Variants in DLEC1 observed in about 807,000 individuals in gnomAD.
The protein encoded by DLEC1 is deleted in lung and esophageal cancer protein 1.
In DLEC1, 146 loss-of-function variants were observed where a neutral mutation model predicts 198.1. The ratio of observed to expected loss-of-function variants is 0.74; its 90% CI spans 0.64 to 0.85. DLEC1 has a LOEUF of 0.85. Among genes scored for constraint, DLEC1 ranks in the 40% least tolerant of loss-of-function variants. The probability of loss-of-function intolerance (pLI) is 0.00; values close to 1 mark genes in which losing one functional copy is unlikely to be tolerated. For missense variants in DLEC1, 2,233 were observed against 2,220.0 expected, an observed-to-expected ratio of 1.01 and a Z score of -0.12; for synonymous variants, 897 against 866.8, an observed-to-expected ratio of 1.03 and a Z score of -0.61.
intron 31 of DLEC1, 31 bp from the exon 32 acceptor site, chr3:38,117,496 G>A: frequency 6.2e-7 from 1 of 1,614,058 alleles, no homozygotes; most frequent in East Asian, 2.2e-5. Context: ...CAGGCGCCCG[G>A]CTTGCCCCAA....
rs541063708 is a variant in DLEC1 at position 38,054,955 on chromosome 3, A to G, written c.563-4787A>G. On this transcript the variant is annotated intron_variant, in intron 2 of 36. Transcript: ENST00000308059. The stretch of plus-strand genomic sequence containing the variant: ...GATATTTACAGACTAAAGGAAGGAA[A>G]CAGCCTGAACCAGGAGCCACAAGAC... Among the ~76,000 whole-genome samples the G allele has an allele frequency of 8.5e-5, 13 of 152,336 alleles. No individual in the cohort carries two copies. In the East Asian group the frequency reaches 2.3e-3, roughly 27 times the overall value.
chr3:38,079,805 C>T (rs1369021849), intron 6 of DLEC1, among the ~76,000 whole-genome samples: 2 of 152,262 alleles, frequency 1.3e-5, no homozygotes, highest in South Asian at 2.1e-4. Flanking sequence ...TTTGGAAGTT[C>T]TCGTGTGCTG....
intron 6 of DLEC1, among the ~76,000 whole-genome samples, chr3:38,065,221 G>A (rs776325563): frequency 3.9e-5 from 6 of 152,234 alleles, no homozygotes; most frequent in Non-Finnish European, 8.8e-5. Context: ...GCCTGCAATC[G>A]CAGGCACTCG....
rs768241128 is a variant in DLEC1 at position 38,045,626 on chromosome 3, G to A, written c.495G>A (p.Ala165=). 28 of 1,614,116 alleles carry A rather than the reference G, an allele frequency of 1.7e-5. No homozygotes were observed. The highest frequency in any genetic ancestry group is 1.6e-4 in the Middle Eastern group (1 of 6,062). Residue 165 remains alanine, a synonymous_variant, in exon 2 of 37, where the codon GCG becomes GCA. Coordinates refer to ENST00000308059, the MANE Select transcript of DLEC1 (RefSeq NM_007335.4). ...CTCAGGCCCAAGCACGGGCTATTGC[G>A]GAAAATGAGCGGGTCATGAGCCAGG... ...HITQAQARAI[A]ENERVMSQAG...
At chr3:38,084,894 G>T (rs1051447371) in intron 7 of DLEC1, among the ~76,000 whole-genome samples, 15 of 152,040 alleles carry the variant, frequency 9.9e-5, no homozygotes, top group Non-Finnish European at 1.3e-4. Flanking sequence ...CTCAGCAGCA[G>T]CCCCCCAGCC....
intron 6 of DLEC1, among the ~76,000 whole-genome samples, chr3:38,073,309 G>C (rs1697426315): frequency 1.3e-5 from 2 of 152,186 alleles, no homozygotes; most frequent in Admixed American, 6.5e-5. Flanking sequence ...CAGGTAAAGT[G>C]GGGGAATTGT....
rs774067953 is a variant in DLEC1, at chr3:38,107,645, G to A, written c.2926G>A (p.Glu976Lys). Residue 976 changes from glutamate (E) to lysine (K), a missense_variant, in exon 20 of 37, where the codon GAG (glutamate) becomes AAG (lysine). Transcript: ENST00000308059. ...TGTGTACCTACAGAGCAGCCAGGTG[G>A]AGGTTAGAAATCTCTACCTGGGTGT... ...PHVYLQSSQVEVRNLYLGVPT... is the reference protein window; with the variant it reads ...PHVYLQSSQVKVRNLYLGVPT... The A allele has an allele frequency of 8.7e-6, 14 of 1,613,988 alleles. No individual in the cohort carries two copies. The highest frequency in any genetic ancestry group is 1.0e-5 in the Non-Finnish European group (12 of 1,180,004).
At chr3:38,050,212 G>A (rs746985293) in intron 2 of DLEC1, among the ~76,000 whole-genome samples, 18 of 151,892 alleles carry the variant, frequency 1.2e-4, no homozygotes, top group Admixed American at 2.6e-4. Context: ...GGGACCACAG[G>A]CACATACCAC....
rs777313385 is a variant in DLEC1, at chr3:38,097,871, G to C, written c.2693G>C (p.Ser898Thr). The change falls in exon 18 of 37, where the codon AGC (serine) becomes ACC (threonine). Residue 898 changes from serine (S) to threonine (T), a missense_variant. Coordinates refer to ENST00000308059, the MANE Select transcript of DLEC1 (RefSeq NM_007335.4). ...QLPATWRMKE[S>T]PVSLQERPED... ...CCAGCCACATGGCGCATGAAGGAGA[G>C]CCCAGTCTCCCTCCAGGAAAGGCCT... The C allele has an allele frequency of 6.8e-6, 11 of 1,614,158 alleles. No individual in the cohort carries two copies. The highest frequency in any genetic ancestry group is 1.7e-5 in the Admixed American group (1 of 60,030).
At chr3:38,058,427 G>T (rs1262057411) in intron 2 of DLEC1, among the ~76,000 whole-genome samples, 3 of 152,150 alleles carry the variant, frequency 2.0e-5, no homozygotes, top group African/African-American at 4.8e-5. Context: ...CAGCACCGAT[G>T]CAGGCGGCTA....
chr3:38,040,018 G>A (rs2125563779), intron 1 of DLEC1, among the ~76,000 whole-genome samples: 1 of 152,246 alleles, frequency 6.6e-6, no homozygotes, highest in Middle Eastern at 3.4e-3. Context: ...AATCTTGACT[G>A]GGCCATTCAT....
chr3:38,097,101 A>C, intron 15 of DLEC1, 81 bp from the exon 16 acceptor site: 1 of 1,335,204 alleles, frequency 7.5e-7, no homozygotes, highest in South Asian at 1.4e-5. Context: ...TTACGAGCCC[A>C]CAATCCTACA....
chr3:38,045,224 G>C (rs1196402518), intron 1 of DLEC1, among the ~76,000 whole-genome samples: 2 of 152,196 alleles, frequency 1.3e-5, no homozygotes, highest in Non-Finnish European at 2.9e-5. Flanking sequence ...CTTGAACGTG[G>C]ATCTGGGTGG....
Position 38,045,633 on chromosome 3 carries a change from G to C in DLEC1, c.502G>C (p.Glu168Gln). The C allele has an allele frequency of 6.2e-7, 1 of 1,614,134 alleles. No individual in the cohort carries two copies. Among genetic ancestry groups the C allele is most frequent in the Non-Finnish European group, 8.5e-7 (1 of 1,180,024 alleles). The change falls in exon 2 of 37, where the codon GAG becomes CAG. Residue 168 changes from glutamate (E) to glutamine (Q), a missense_variant. By Grantham distance (29) the Glu-to-Gln change is conservative. Coordinates refer to ENST00000308059, the MANE Select transcript of DLEC1 (RefSeq NM_007335.4). ...CCAAGCACGGGCTATTGCGGAAAAT[G>C]AGCGGGTCATGAGCCAGGCTGGAGT... The part of the protein sequence containing the change: ...QAQARAIAEN[E>Q]RVMSQAGVQD...
intron 19 of DLEC1, 59 bp downstream of exon 19, chr3:38,100,484 T>C: frequency 2.0e-6 from 3 of 1,510,142 alleles, no homozygotes; most frequent in Non-Finnish European, 2.7e-6. Flanking sequence ...GATGTATTTA[T>C]CTATATTATA....
Position 38,092,995 on chromosome 3 carries a change from G to A in DLEC1, c.1756+115G>A, listed in dbSNP as rs376052790. Reference sequence around the variant, plus strand: ...CCTGTTTCCTGTGTGTGTCAGGAGCGCACATTAAGAATGCTGCAGCCTCCA... The same window carrying A: ...CCTGTTTCCTGTGTGTGTCAGGAGCACACATTAAGAATGCTGCAGCCTCCA... On this transcript the variant is annotated intron_variant, in intron 11 of 36. Coordinates refer to ENST00000308059, the MANE Select transcript of DLEC1 (RefSeq NM_007335.4). 3.4e-4 allele frequency: 331 copies of A among 987,086 alleles called. 1 individual carries two copies. The highest frequency in any genetic ancestry group is 4.7e-4 in the Middle Eastern group (2 of 4,254). The allele number at this position is 987,086 out of a possible 1,614,324, so 61.1% of individuals were successfully genotyped here.
In DLEC1 at chr3:38,114,274, G is replaced by A. The variant is rs796983767; in HGVS notation, c.3667-68G>A. 4 of 1,490,416 alleles carry A rather than the reference G, an allele frequency of 2.7e-6. No homozygotes were observed. The African/African-American group carries it at 5.5e-5, about 21-fold the overall frequency. 92.3% of individuals were successfully genotyped at this position (1,490,416 alleles called of 1,614,324 possible). A position where few individuals can be genotyped will look rare whatever the true frequency, so the allele number is the denominator to read the frequency against. On this transcript the variant is annotated intron_variant, in intron 25 of 36. Coordinates refer to ENST00000308059, the MANE Select transcript of DLEC1 (RefSeq NM_007335.4). ...CCCTGGGCTGGCTGGACAAGTGGAG[G>A]CCTTGCCCAGAGGGGATGTGGTCGC...
At chr3:38,092,063 T>G (rs1219980260) in intron 10 of DLEC1, among the ~76,000 whole-genome samples, 1 of 152,248 alleles carries the variant, frequency 6.6e-6, no homozygotes, top group East Asian at 1.9e-4. Flanking sequence ...CTGCATCCTC[T>G]AACTCCTGGG....
chr3:38,106,515 G>C (rs1699574168), intron 19 of DLEC1, among the ~76,000 whole-genome samples: 1 of 152,058 alleles, frequency 6.6e-6, no homozygotes, highest in Non-Finnish European at 1.5e-5. Context: ...CAGCACTTTG[G>C]GAGGCCAAGG....
Sources: gnomAD v4.1 joint callset for allele counts (sites outside exome capture counted in the v4.1 genomes callset) on GRCh38, gnomAD v4.1.1 for gene constraint, MANE v1.5 for transcripts, NCBI Gene and HGNC (gene_info 2026-07-23, HGNC 2026-07-21) for gene names.